The following H3-3A variants were observed in gnomAD, a reference collection of about 807,000 sequenced individuals.
The protein encoded by H3-3A is H3.3 histone A.
For synonymous variants in H3-3A, 49 were observed against 61.4 expected (o/e 0.80, Z 0.95); for missense variants, 7 against 184.0 (o/e 0.04, Z 5.57).
chr1:226,064,074 G>T (rs1183698722), intron 1 of H3-3A: 3 of 268,080 alleles, frequency 1.1e-5, no homozygotes, highest in African/African-American at 5.5e-5. Context: ...AGGTATTTTT[G>T]TTTTGCCGTT....
chr1:226,070,683 G>A (rs1182515910), intron 3 of H3-3A, among the ~76,000 whole-genome samples: 1 of 152,026 alleles, frequency 6.6e-6, no homozygotes, highest in Non-Finnish European at 1.5e-5. Flanking sequence ...TGAGGCAGGA[G>A]AATCGCTTGA....
chr1:226,069,150 A>G (rs769948696), intron 3 of H3-3A, among the ~76,000 whole-genome samples: 2 of 151,688 alleles, frequency 1.3e-5, no homozygotes, highest in Non-Finnish European at 2.9e-5. Flanking sequence ...GGGTTCAAGC[A>G]ATTCTCCTGT....
At chr1:226,065,893 C>G in intron 3 of H3-3A, 84 bp downstream of exon 3, 1 of 980,518 alleles carries the variant, frequency 1.0e-6, no homozygotes, top group Non-Finnish European at 1.6e-6. Context: ...GTGCTTATAT[C>G]ATTTAATCAC....
At chr1:226,069,261 A>G (rs550928131) in intron 3 of H3-3A, among the ~76,000 whole-genome samples, 1 of 152,078 alleles carries the variant, frequency 6.6e-6, no homozygotes, top group Non-Finnish European at 1.5e-5. Flanking sequence ...TGGTCAGTCT[A>G]GTCTCAAGCT....
chr1:226,070,645 T>C (rs1246855139), intron 3 of H3-3A, among the ~76,000 whole-genome samples: 1 of 149,204 alleles, frequency 6.7e-6, no homozygotes, highest in Non-Finnish European at 1.5e-5. Context: ...TGGTGGCGCA[T>C]ACCTGTAGTC....
intron 3 of H3-3A, 128 bp downstream of exon 3, chr1:226,065,937 T>C (rs1238562630): frequency 2.6e-6 from 2 of 775,196 alleles, no homozygotes; most frequent in African/African-American, 1.7e-5. Context: ...GTTACTTCAC[T>C]GTTGAGACTT....
At chr1:226,064,068 A>T in intron 1 of H3-3A, 2 of 266,830 alleles carry the variant, frequency 7.5e-6, no homozygotes, top group South Asian at 1.1e-4. Flanking sequence ...CGTTCGAGGT[A>T]TTTTTGTTTT....
upstream of H3-3A, among the ~76,000 whole-genome samples, chr1:226,062,455 G>A (rs952546872): frequency 1.3e-5 from 2 of 150,366 alleles, no homozygotes; most frequent in African/African-American, 4.9e-5. Flanking sequence ...CGGCAGTCTC[G>A]GCGGGAGCCG....
intron 3 of H3-3A, among the ~76,000 whole-genome samples, chr1:226,070,149 A>G (rs1378784162): frequency 6.6e-6 from 1 of 152,180 alleles, no homozygotes; most frequent in Non-Finnish European, 1.5e-5. Flanking sequence ...GGTAGAGGAC[A>G]GGGGCATGTT....
intron 3 of H3-3A, among the ~76,000 whole-genome samples, chr1:226,067,907 A>G (rs1657979922): frequency 6.6e-6 from 1 of 152,222 alleles, no homozygotes. Flanking sequence ...TAGAGGAGAA[A>G]TTAGTCTCAG....
Position 226,069,362 on chromosome 1 carries a change from T to A in H3-3A, c.283-1989T>A, listed in dbSNP as rs533895467. ...ACGGCACCTGGTCTGGAATTTTTTTTATTAGAATAAAAATGCAACTATAAG... is the reference window on the plus strand; with the variant it reads ...ACGGCACCTGGTCTGGAATTTTTTTAATTAGAATAAAAATGCAACTATAAG... On this transcript the variant is annotated intron_variant, in intron 3 of 3. Transcript: ENST00000366815. Among the ~76,000 whole-genome samples, 522 of 152,300 alleles carry A rather than the reference T, an allele frequency of 3.4e-3. 2 individuals are homozygous for A. Among genetic ancestry groups the A allele is most frequent in the Non-Finnish European group, 5.7e-3 (390 of 68,022 alleles).
intron 1 of H3-3A, among the ~76,000 whole-genome samples, chr1:226,063,431 T>C (rs1465914229): frequency 6.6e-6 from 1 of 152,066 alleles, no homozygotes; most frequent in Admixed American, 6.5e-5. Flanking sequence ...AAAAAACTTT[T>C]GCATTTTGGA....
intron 3 of H3-3A, among the ~76,000 whole-genome samples, chr1:226,067,678 G>T (rs1477981587): frequency 6.6e-6 from 1 of 151,870 alleles, no homozygotes; most frequent in Non-Finnish European, 1.5e-5. Flanking sequence ...GAAAGCAGAG[G>T]TTGCAGTGAG....
In H3-3A at chr1:226,065,824, G is replaced by A. The variant is rs758971358; in HGVS notation, c.282+15G>A. ...GTGCTTTGCAGGTAAAATGGTGGGT[G>A]GGAAGACTCAGAGTTTGTATTCCTG... On this transcript the variant is annotated intron_variant, in intron 3 of 3. Transcript: ENST00000366815. 2 of 1,574,818 alleles carry A rather than the reference G, an allele frequency of 1.3e-6. No individual in the cohort carries two copies. The highest frequency in any genetic ancestry group is 2.3e-5 in the East Asian group (1 of 43,398).
intron 3 of H3-3A, among the ~76,000 whole-genome samples, chr1:226,068,090 CT>C (rs956129933): frequency 1.1e-4 from 16 of 152,158 alleles, no homozygotes; most frequent in African/African-American, 2.9e-4. Flanking sequence ...TCTTGTAGTT[CT>C]TTTTTTTCTT....
At chr1:226,070,698 G>A (rs968678543) in intron 3 of H3-3A, among the ~76,000 whole-genome samples, 1 of 152,058 alleles carries the variant, frequency 6.6e-6, no homozygotes, top group Non-Finnish European at 1.5e-5. Flanking sequence ...GCTTGAATCC[G>A]GGAGGTGGAG....
At chr1:226,067,749 A>G (rs1053781262) in intron 3 of H3-3A, among the ~76,000 whole-genome samples, 93 of 152,088 alleles carry the variant, frequency 6.1e-4, no homozygotes, top group African/African-American at 2.2e-3. Flanking sequence ...GTCTCAAAAA[A>G]AAAAAAAAGA....
At chr1:226,066,586 T>G (rs189265172) in intron 3 of H3-3A, 1 of 152,234 alleles carries the variant, frequency 6.6e-6, no homozygotes, top group African/African-American at 2.4e-5. Context: ...TAGACGTCAT[T>G]AACATCAGTC....
chr1:226,064,575 A>G, intron 2 of H3-3A, 96 bp downstream of exon 2: 1 of 998,440 alleles, frequency 1.0e-6, no homozygotes, highest in Non-Finnish European at 1.5e-6. Flanking sequence ...TTTTTGCTTT[A>G]GAGAAACTTT....
Sources: allele counts gnomAD v4.1 joint callset (sites outside exome capture counted in the v4.1 genomes callset), GRCh38; gene constraint gnomAD v4.1.1; transcripts MANE v1.5; gene names NCBI Gene and HGNC (gene_info 2026-07-23, HGNC 2026-07-21).